PTPRD: variants seen among roughly 807,000 people sequenced by gnomAD.
The protein encoded by PTPRD is receptor-type tyrosine-protein phosphatase delta.
A neutral mutation model predicts 214.5 loss-of-function variants in PTPRD; 34 were observed. The ratio of observed to expected loss-of-function variants is 0.16; its 90% CI spans 0.12 to 0.21. PTPRD has a LOEUF of 0.21. PTPRD is among the 10% of genes least tolerant of loss of function. PTPRD has a pLI of 1.00. For missense variants in PTPRD, 2,545 were observed against 2,398.7 expected, an observed-to-expected ratio of 1.06 and a Z score of -1.27; for synonymous variants, 1,128 against 845.7, an observed-to-expected ratio of 1.33 and a Z score of -5.79.
rs1242613541 is a variant in PTPRD at position 9,791,196 on chromosome 9, GATTTT to G, written c.-367-24350_-367-24346del. Among the ~76,000 whole-genome samples, 84 of 152,134 alleles carry G rather than the reference GATTTT, an allele frequency of 5.5e-4. No individual in the cohort carries two copies. In the East Asian group the frequency reaches 0.015, roughly 27 times the overall value. ...AGGGGATTCTCAGCTGGTTTTAAAA[GATTTT>G]AGTTTAGTTATATCCTCAGTTAATT... On this transcript the variant is annotated intron_variant, in intron 5 of 45. Transcript: ENST00000381196.
intron 36 of PTPRD, among the ~76,000 whole-genome samples, chr9:8,400,598 G>A (rs1340864170): frequency 6.6e-6 from 1 of 152,192 alleles, no homozygotes; most frequent in Non-Finnish European, 1.5e-5. Flanking sequence ...TTCCACCCAT[G>A]CTAAGTGACT....
At chr9:10,196,444 G>T (rs1185470056) in intron 3 of PTPRD, among the ~76,000 whole-genome samples, 1 of 151,992 alleles carries the variant, frequency 6.6e-6, no homozygotes, top group Non-Finnish European at 1.5e-5. Context: ...TACATTCTTA[G>T]GTCACCTGAA....
chr9:9,928,556 C>G (rs1289432258), intron 5 of PTPRD, among the ~76,000 whole-genome samples: 1 of 152,042 alleles, frequency 6.6e-6, no homozygotes, highest in African/African-American at 2.4e-5. Flanking sequence ...GGAACAACAA[C>G]AAAGACAGAC....
At chr9:8,388,749 C>G (rs1564470623) in intron 37 of PTPRD, among the ~76,000 whole-genome samples, 1 of 152,168 alleles carries the variant, frequency 6.6e-6, no homozygotes, top group Non-Finnish European at 1.5e-5. Flanking sequence ...CATCATTTTT[C>G]CAGCTGCCCT....
At chr9:8,881,537 C>T (rs974514217) in intron 11 of PTPRD, among the ~76,000 whole-genome samples, 2 of 152,074 alleles carry the variant, frequency 1.3e-5, no homozygotes, top group African/African-American at 4.8e-5. Context: ...TCACAATGTA[C>T]TGATATATTT....
chr9:9,681,948 A>G (rs981528008), intron 7 of PTPRD, among the ~76,000 whole-genome samples: 1 of 151,846 alleles, frequency 6.6e-6, no homozygotes, highest in East Asian at 1.9e-4. Flanking sequence ...GTCTATTTCC[A>G]GTTATTAGCA....
At chr9:9,608,008 G>T (rs1011279037) in intron 7 of PTPRD, among the ~76,000 whole-genome samples, 1 of 152,158 alleles carries the variant, frequency 6.6e-6, no homozygotes, top group Non-Finnish European at 1.5e-5. Context: ...GTTAAATTCT[G>T]ATTAGAATCA....
intron 14 of PTPRD, among the ~76,000 whole-genome samples, chr9:8,574,055 A>T (rs1447905204): frequency 6.6e-6 from 1 of 151,930 alleles, no homozygotes; most frequent in Non-Finnish European, 1.5e-5. Flanking sequence ...AAAACCATTT[A>T]TATCATATTC....
At chr9:9,276,077 T>C (rs920827289) in intron 9 of PTPRD, among the ~76,000 whole-genome samples, 5 of 151,342 alleles carry the variant, frequency 3.3e-5, no homozygotes, top group Admixed American at 3.3e-4. Context: ...CTAAATGTCC[T>C]TGTCTAATGT....
At chr9:8,739,577 T>G (rs2091394261) in intron 11 of PTPRD, among the ~76,000 whole-genome samples, 1 of 152,136 alleles carries the variant, frequency 6.6e-6, no homozygotes, top group Non-Finnish European at 1.5e-5. Context: ...AAGTCAGTGT[T>G]TTTTGGAGGT....
At chr9:8,597,071 A>C (rs183043463) in intron 14 of PTPRD, among the ~76,000 whole-genome samples, 1 of 152,272 alleles carries the variant, frequency 6.6e-6, no homozygotes, top group Non-Finnish European at 1.5e-5. Flanking sequence ...AACAGAAAAA[A>C]AGCGCATTTT....
At chr9:10,259,214 A>AG (rs1475320425) in intron 3 of PTPRD, among the ~76,000 whole-genome samples, 1 of 151,736 alleles carries the variant, frequency 6.6e-6, no homozygotes, top group Non-Finnish European at 1.5e-5. Flanking sequence ...TTAGTAGAGA[A>AG]GGGGTTTCAC....
chr9:8,404,494 A>C, intron 36 of PTPRD, 43 bp downstream of exon 36: 1 of 1,586,640 alleles, frequency 6.3e-7, no homozygotes, highest in Non-Finnish European at 8.6e-7. Flanking sequence ...ACATACTCAA[A>C]TCCATGAAAA....
intron 4 of PTPRD, among the ~76,000 whole-genome samples, chr9:9,946,592 A>C (rs975018241): frequency 6.6e-6 from 1 of 152,170 alleles, no homozygotes; most frequent in African/African-American, 2.4e-5. Flanking sequence ...TTGCAAAGGG[A>C]AACATATTCT....
chr9:9,628,372 G>T (rs886224897), intron 7 of PTPRD, among the ~76,000 whole-genome samples: 1 of 152,014 alleles, frequency 6.6e-6, no homozygotes, highest in African/African-American at 2.4e-5. Context: ...CAATTGCCAG[G>T]TTCCCTTTTT....
chr9:10,209,415 T>C (rs1023816237), intron 3 of PTPRD, among the ~76,000 whole-genome samples: 10 of 152,158 alleles, frequency 6.6e-5, no homozygotes, highest in African/African-American at 2.2e-4. Flanking sequence ...TTAGTGGCAA[T>C]CGAATTTCTT....
intron 4 of PTPRD, among the ~76,000 whole-genome samples, chr9:10,023,127 C>T (rs1459363141): frequency 2.0e-5 from 3 of 152,124 alleles, no homozygotes; most frequent in Non-Finnish European, 2.9e-5. Context: ...ATAAGCAAAA[C>T]TTATTTAGAT....
rs62534001 is a variant in PTPRD at position 8,356,919 on chromosome 9, T to C, written c.4662-14941A>G. Among the ~76,000 whole-genome samples the C allele has an allele frequency of 6.5e-3, 986 of 152,298 alleles. 6 individuals carry two copies. Among genetic ancestry groups the C allele is most frequent in the Admixed American group, 0.013 (194 of 15,292 alleles). Reference sequence around the variant, plus strand: ...TAGTTTACAGTATTAAATATAATTATATAGAAATACTCAAAAGCACTAAAA... The same window carrying C: ...TAGTTTACAGTATTAAATATAATTACATAGAAATACTCAAAAGCACTAAAA... On this transcript the variant is annotated intron_variant, in intron 39 of 45. Transcript: ENST00000381196.
intron 9 of PTPRD, among the ~76,000 whole-genome samples, chr9:9,335,570 T>C (rs2044114323): frequency 6.6e-6 from 1 of 152,072 alleles, no homozygotes; most frequent in Non-Finnish European, 1.5e-5. Context: ...TTATTTTAAA[T>C]TAAATAATCA....
Sources: gnomAD v4.1 joint callset for allele counts (sites outside exome capture counted in the v4.1 genomes callset) on GRCh38, gnomAD v4.1.1 for gene constraint, MANE v1.5 for transcripts, NCBI Gene and HGNC (gene_info 2026-07-23, HGNC 2026-07-21) for gene names.